The following ZBTB25 variants were observed in gnomAD, a reference collection of about 807,000 sequenced individuals.
The protein encoded by ZBTB25 is zinc finger and BTB domain containing 25.
A neutral mutation model predicts 34.2 loss-of-function variants in ZBTB25; 20 were observed. That is an observed-to-expected ratio of 0.58 (90% CI 0.41 to 0.85). The LOEUF is 0.85. Among genes scored for constraint, ZBTB25 ranks in the 40% least tolerant of loss-of-function variants. The pLI is 0.00. For synonymous variants in ZBTB25, 175 were observed against 186.4 expected (o/e 0.94, Z 0.50); for missense variants, 437 against 521.8 (o/e 0.84, Z 1.58).
intron 2 of ZBTB25, chr14:64,460,014 T>G (rs1424670112): frequency 8.2e-7 from 1 of 1,217,018 alleles, no homozygotes; most frequent in African/African-American, 1.5e-5. Flanking sequence ...CATCTTGGTG[T>G]TGCAATATGA....
chr14:64,503,729 C>T lies in ZBTB25; in HGVS notation c.-76G>A. 1.9e-6 allele frequency: 1 copy of T among 517,062 alleles called. No homozygotes were observed. Among genetic ancestry groups the T allele is most frequent in the Non-Finnish European group, 2.5e-6 (1 of 401,846 alleles). The allele number at this position is 517,062 out of a possible 1,614,324, so 32.0% of individuals were successfully genotyped here. On this transcript the variant is annotated 5_prime_UTR_variant, in exon 1 of 3. Coordinates refer to ENST00000608382, the MANE Select transcript of ZBTB25 (RefSeq NM_006977.5). Reference sequence around the variant, plus strand: ...GGGCGGGCTCCCAAGCCGCGCACTGCAAGCAGTGGCGCCGGCTCACGCACC... The same window carrying T: ...GGGCGGGCTCCCAAGCCGCGCACTGTAAGCAGTGGCGCCGGCTCACGCACC...
intron 2 of ZBTB25, chr14:64,463,257 C>CACACACACACACACAT (rs2078573890): frequency 6.6e-6 from 1 of 150,930 alleles, no homozygotes; most frequent in Admixed American, 6.6e-5. Flanking sequence ...CACACACACA[C>CACACACACACACACAT]ACATATGGCA....
intron 1 of ZBTB25, among the ~76,000 whole-genome samples, chr14:64,500,253 A>G (rs2079439768): frequency 6.6e-6 from 1 of 152,118 alleles, no homozygotes; most frequent in African/African-American, 2.4e-5. Flanking sequence ...ATACAAGTAA[A>G]CCAATACTTC....
Position 64,485,679 on chromosome 14 carries a change from T to C in ZBTB25, c.*1244A>G, listed in dbSNP as rs1433401515. On this transcript the variant is annotated 3_prime_UTR_variant, in exon 3 of 3. Coordinates refer to ENST00000608382, the MANE Select transcript of ZBTB25 (RefSeq NM_006977.5). ...TATGGATCAGGAAAAAAGTGAAAACTGTGCCACTGAAAAATTACTTTTTCA... is the reference window on the plus strand; with the variant it reads ...TATGGATCAGGAAAAAAGTGAAAACCGTGCCACTGAAAAATTACTTTTTCA... 1 of 985,186 alleles carries C rather than the reference T, an allele frequency of 1.0e-6. No homozygotes were observed. Among genetic ancestry groups the C allele is most frequent in the Non-Finnish European group, 1.2e-6 (1 of 829,930 alleles). 61.0% of individuals were successfully genotyped at this position (985,186 alleles called of 1,614,324 possible).
intron 2 of ZBTB25, chr14:64,469,199 C>T (rs768610546): frequency 1.2e-6 from 2 of 1,614,088 alleles, no homozygotes; most frequent in African/African-American, 1.3e-5. Context: ...TCCTCCTTTA[C>T]CTGCAATTCC....
In ZBTB25 at chr14:64,486,221, G is replaced by A; in HGVS notation, c.*702C>T. On this transcript the variant is annotated 3_prime_UTR_variant, in exon 3 of 3. Transcript: ENST00000608382. ...GGAGGCTGAGGCAGGAGAATGGCGT[G>A]AACCCGGGAGGCGGAGCTTGCAGTC... The A allele has an allele frequency of 1.2e-6, 1 of 859,418 alleles. No homozygotes were observed. The highest frequency in any genetic ancestry group is 5.4e-5 in the South Asian group (1 of 18,654). The allele number at this position is 859,418 out of a possible 1,614,324, so 53.2% of individuals were successfully genotyped here.
chr14:64,458,498 C>A, intron 2 of ZBTB25: 2 of 621,418 alleles, frequency 3.2e-6, no homozygotes, highest in South Asian at 3.8e-5. Flanking sequence ...ATTTATATTT[C>A]AACACATTTT....
In ZBTB25 at chr14:64,484,309, C is replaced by T. The variant is rs12587758; in HGVS notation, c.*2614G>A. ...CATTTATCCAAACTCTGCCCTGAGG[C>T]ACTTGCTGTCTTATCCAACCAACCA... On this transcript the variant is annotated 3_prime_UTR_variant, in exon 3 of 3. Coordinates refer to ENST00000608382, the MANE Select transcript of ZBTB25 (RefSeq NM_006977.5). 1,435 of 152,394 alleles carry T rather than the reference C, an allele frequency of 9.4e-3. 67 individuals carry two copies. In the East Asian group the frequency reaches 0.16, roughly 17 times the overall value. 9.4% of individuals were successfully genotyped at this position (152,394 alleles called of 1,614,324 possible). A position where few individuals can be genotyped will look rare whatever the true frequency, so the allele number is the denominator to read the frequency against.
Position 64,485,627 on chromosome 14 carries a change from C to T in ZBTB25, c.*1296G>A. 7 of 985,340 alleles carry T rather than the reference C, an allele frequency of 7.1e-6. No individual in the cohort carries two copies. The highest frequency in any genetic ancestry group is 8.4e-6 in the Non-Finnish European group (7 of 829,914). The allele number at this position is 985,340 out of a possible 1,614,324, so 61.0% of individuals were successfully genotyped here. A position where few individuals can be genotyped will look rare whatever the true frequency, so the allele number is the denominator to read the frequency against. On this transcript the variant is annotated 3_prime_UTR_variant, in exon 3 of 3. Transcript: ENST00000608382. ...ATGGATCTTAAATGTAGTTATAGAA[C>T]ACTGAATGTATCCACTTTGCTGGTT...
In ZBTB25 at chr14:64,469,231, A is replaced by C. The variant is rs1210108504; in HGVS notation, c.174-19593T>G. On this transcript the variant is annotated intron_variant, in intron 2 of 2. Coordinates refer to the ZBTB25 transcript ENST00000555220. The stretch of plus-strand genomic sequence containing the variant: ...TTCCAGATCAACAAATTGTGGAAGA[A>C]GCCAGTAACAGTACCCTAGAAAGTG... The C allele has an allele frequency of 2.5e-6, 4 of 1,613,956 alleles. No homozygotes were observed. In the African/African-American group the frequency reaches 5.3e-5, roughly 22 times the overall value.
At chr14:64,454,662 A>G (rs1393286373) in intron 2 of ZBTB25, 10 of 1,379,864 alleles carry the variant, frequency 7.2e-6, no homozygotes, top group Non-Finnish European at 1.0e-5. Context: ...CAGGGCCCAG[A>G]TGGTCATTGC....
At chr14:64,474,725 C>T (rs1303604441), downstream of ZBTB25, among the ~76,000 whole-genome samples, 1 of 152,188 alleles carries the variant, frequency 6.6e-6, no homozygotes, top group African/African-American at 2.4e-5. Context: ...AAGGGCAGTT[C>T]TGAATTTGAT....
chr14:64,485,598 C>T lies in ZBTB25; in HGVS notation c.*1325G>A, dbSNP rs2078849471. The stretch of plus-strand genomic sequence containing the variant: ...AGTTGATTTATAGAGGAAAAGCTAA[C>T]ATCATGGATCTTAAATGTAGTTATA... On this transcript the variant is annotated 3_prime_UTR_variant, in exon 3 of 3. Transcript: ENST00000608382. The T allele has an allele frequency of 1.0e-6, 1 of 985,288 alleles. No homozygotes were observed. The highest frequency in any genetic ancestry group is 1.7e-5 in the African/African-American group (1 of 57,330). The allele number at this position is 985,288 out of a possible 1,614,324, so 61.0% of individuals were successfully genotyped here.
intron 1 of ZBTB25, among the ~76,000 whole-genome samples, chr14:64,500,553 T>TCTA (rs984351643): frequency 1.7e-4 from 25 of 150,512 alleles, no homozygotes; most frequent in African/African-American, 5.9e-4. Flanking sequence ...ATCCCAGCAC[T>TCTA]TTAGGAGGCC....
chr14:64,468,003 C>T (rs1046176279), intron 2 of ZBTB25: 2 of 155,416 alleles, frequency 1.3e-5, no homozygotes, highest in Admixed American at 6.4e-5. Context: ...TGTTTATTCT[C>T]CAGTCATTTC....
rs1037985874 is a variant in ZBTB25 at position 64,486,165 on chromosome 14, G to A, written c.*758C>T. Reference sequence around the variant, plus strand: ...AAATACAAAAAAATTAGCTGGGCGTGGTGGCGGGCGCCTGTAGTCCCAGCT... The same window carrying A: ...AAATACAAAAAAATTAGCTGGGCGTAGTGGCGGGCGCCTGTAGTCCCAGCT... On this transcript the variant is annotated 3_prime_UTR_variant, in exon 3 of 3. Coordinates refer to ENST00000608382, the MANE Select transcript of ZBTB25 (RefSeq NM_006977.5). 1.4e-5 allele frequency: 9 copies of A among 656,314 alleles called. No individual in the cohort carries two copies. In the African/African-American group the frequency reaches 1.6e-4, roughly 12 times the overall value. The allele number at this position is 656,314 out of a possible 1,614,324, so 40.7% of individuals were successfully genotyped here. A position where few individuals can be genotyped will look rare whatever the true frequency, so the allele number is the denominator to read the frequency against.
intron 1 of ZBTB25, among the ~76,000 whole-genome samples, chr14:64,495,019 A>G (rs942375940): frequency 6.6e-6 from 1 of 152,204 alleles, no homozygotes; most frequent in Non-Finnish European, 1.5e-5. Context: ...ATTTGTTCAC[A>G]TATACAACAT....
rs2078798919 is a variant in ZBTB25 at position 64,481,884 on chromosome 14, T to C, written c.*5039A>G. On this transcript the variant is annotated 3_prime_UTR_variant, in exon 3 of 3. Transcript: ENST00000608382. ...ACAAATCTATATGTAGTTCAAAATATACAAAGACACAAATTACATTATGAA... is the reference window on the plus strand; with the variant it reads ...ACAAATCTATATGTAGTTCAAAATACACAAAGACACAAATTACATTATGAA... 6.6e-6 allele frequency: 1 copy of C among 152,192 alleles called. No individual in the cohort carries two copies. Among genetic ancestry groups the C allele is most frequent in the Non-Finnish European group, 1.5e-5 (1 of 68,026 alleles). The allele number at this position is 152,192 out of a possible 1,614,324, so 9.4% of individuals were successfully genotyped here.
downstream of ZBTB25, among the ~76,000 whole-genome samples, chr14:64,474,786 C>A (rs1344370302): frequency 6.6e-6 from 1 of 152,192 alleles, no homozygotes; most frequent in African/African-American, 2.4e-5. Context: ...TTGATATACT[C>A]ATTATTTTCT....
Sources: gnomAD v4.1 joint callset for allele counts (sites outside exome capture counted in the v4.1 genomes callset) on GRCh38, gnomAD v4.1.1 for gene constraint, MANE v1.5 for transcripts, NCBI Gene and HGNC (gene_info 2026-07-23, HGNC 2026-07-21) for gene names.